ACBD3: variants seen among roughly 807,000 people sequenced by gnomAD.
ACBD3 encodes the protein acyl-CoA binding domain containing 3, also known as Golgi resident protein GCP60.
Under a neutral mutation model 66.9 loss-of-function variants are expected in ACBD3, and 30 were observed. The observed-to-expected ratio is 0.45, with a 90% CI of 0.34 to 0.61. The LOEUF is 0.61. Ranked by LOEUF, ACBD3 falls within the 20% of genes least tolerant of loss-of-function variation. The pLI is 0.02. For synonymous variants in ACBD3, 278 were observed against 259.8 expected, an observed-to-expected ratio of 1.07 and a Z score of -0.68; for missense variants, 544 against 664.5, an observed-to-expected ratio of 0.82 and a Z score of 1.99.
Position 226,150,885 on chromosome 1 carries a change from T to A in ACBD3, c.1375+1450A>T, listed in dbSNP as rs190984974. On this transcript the variant is annotated intron_variant, in intron 7 of 7. Coordinates refer to ENST00000366812, the MANE Select transcript of ACBD3 (RefSeq NM_022735.4). ...TTTAAATCTGCTTCTGGGGTAAAAGTCAATCTGCAAGATGTACTGAAATTT... is the reference window on the plus strand; with the variant it reads ...TTTAAATCTGCTTCTGGGGTAAAAGACAATCTGCAAGATGTACTGAAATTT... Among the ~76,000 whole-genome samples, 6 of 152,364 alleles carry A rather than the reference T, an allele frequency of 3.9e-5. No individual in the cohort carries two copies. In the East Asian group the frequency reaches 9.6e-4, roughly 24 times the overall value.
chr1:226,148,795 A>G (rs1659506739), intron 7 of ACBD3, among the ~76,000 whole-genome samples: 1 of 152,208 alleles, frequency 6.6e-6, no homozygotes, highest in African/African-American at 2.4e-5. Context: ...AATACAAGAC[A>G]CGGTAGGACA....
intron 5 of ACBD3, among the ~76,000 whole-genome samples, chr1:226,157,642 T>TGATCC (rs1659701051): frequency 6.6e-6 from 1 of 152,068 alleles, no homozygotes; most frequent in Non-Finnish European, 1.5e-5. Flanking sequence ...TGAGCTCGAG[T>TGATCC]GATCCTCTCG....
At chr1:226,163,149 A>G (rs1428119415) in intron 3 of ACBD3, among the ~76,000 whole-genome samples, 1 of 152,190 alleles carries the variant, frequency 6.6e-6, no homozygotes, top group Admixed American at 6.6e-5. Context: ...CAGCTGGTAC[A>G]GAGCAAGAAG....
At chr1:226,185,474 G>T (rs922913774) in intron 1 of ACBD3, among the ~76,000 whole-genome samples, 1 of 152,138 alleles carries the variant, frequency 6.6e-6, no homozygotes, top group Non-Finnish European at 1.5e-5. Flanking sequence ...TTTTAAAGTT[G>T]CATTTGCTGA....
intron 1 of ACBD3, among the ~76,000 whole-genome samples, chr1:226,173,543 G>A (rs985992212): frequency 6.6e-6 from 1 of 151,280 alleles, no homozygotes; most frequent in Non-Finnish European, 1.5e-5. Context: ...AACCACTTTC[G>A]GTATAGCACA....
intron 1 of ACBD3, among the ~76,000 whole-genome samples, chr1:226,176,281 C>T (rs961253926): frequency 6.6e-6 from 1 of 152,078 alleles, no homozygotes; most frequent in Non-Finnish European, 1.5e-5. Context: ...CACAAATTAG[C>T]TGGGCATGGT....
chr1:226,161,146 C>CTTTTTTTTTTTTT, intron 4 of ACBD3, among the ~76,000 whole-genome samples: 1 of 134,266 alleles, frequency 7.4e-6, no homozygotes, highest in Non-Finnish European at 1.6e-5. Context: ...TAATACATTC[C>CTTTTTTTTTTTTT]TTTTTTTTTT....
At chr1:226,160,226 G>T (rs1254178708) in intron 4 of ACBD3, among the ~76,000 whole-genome samples, 3 of 151,848 alleles carry the variant, frequency 2.0e-5, no homozygotes, top group Non-Finnish European at 4.4e-5. Context: ...CAAGTAGCTG[G>T]GATTACAGGC....
chr1:226,178,087 G>A (rs1460133115), intron 1 of ACBD3, among the ~76,000 whole-genome samples: 1 of 152,006 alleles, frequency 6.6e-6, no homozygotes, highest in African/African-American at 2.4e-5. Flanking sequence ...AAGAGCAATA[G>A]GAAACTAACA....
intron 1 of ACBD3, among the ~76,000 whole-genome samples, chr1:226,179,307 G>A (rs1433518137): frequency 6.6e-6 from 1 of 152,096 alleles, no homozygotes; most frequent in Non-Finnish European, 1.5e-5. Context: ...TTCCCACTAG[G>A]TACAAGTTGC....
intron 1 of ACBD3, among the ~76,000 whole-genome samples, chr1:226,169,716 CAA>C (rs112424132): frequency 1.2e-3 from 170 of 141,676 alleles, no homozygotes; most frequent in Non-Finnish European, 1.2e-3. Flanking sequence ...TTTTTTAAAA[CAA>C]AAAAAAAAAA....
intron 1 of ACBD3, among the ~76,000 whole-genome samples, chr1:226,186,071 T>C (rs1474533905): frequency 6.6e-6 from 1 of 152,214 alleles, no homozygotes; most frequent in African/African-American, 2.4e-5. Flanking sequence ...ATGGGATCCT[T>C]TGGAAGAAAG....
intron 3 of ACBD3, among the ~76,000 whole-genome samples, chr1:226,162,922 G>C (rs1659797844): frequency 6.6e-6 from 1 of 151,422 alleles, no homozygotes; most frequent in Non-Finnish European, 1.5e-5. Flanking sequence ...TTAGCCTCCT[G>C]AGTAGCTGGA....
chr1:226,176,442 A>AAT (rs1656036959), intron 1 of ACBD3, among the ~76,000 whole-genome samples: 1 of 151,738 alleles, frequency 6.6e-6, no homozygotes, highest in Non-Finnish European at 1.5e-5. Context: ...AAAAAAAAAA[A>AAT]AAAAAAAGCT....
intron 3 of ACBD3, among the ~76,000 whole-genome samples, chr1:226,163,048 G>A (rs372719437): frequency 5.9e-5 from 9 of 151,936 alleles, no homozygotes; most frequent in African/African-American, 1.9e-4. Context: ...TGATCTGCCC[G>A]CCTCGTTCTC....
At position 226,173,445 on chromosome 1, in the gene ACBD3, C is replaced by T. The variant is rs190692355; in HGVS notation, c.287-7445G>A. Among the ~76,000 whole-genome samples the T allele has an allele frequency of 4.1e-3, 628 of 151,952 alleles. 3 individuals are homozygous for T. Among genetic ancestry groups the T allele is most frequent in the Middle Eastern group, 0.014 (4 of 294 alleles). On this transcript the variant is annotated intron_variant, in intron 1 of 7. Transcript: ENST00000366812. ...CTTTTTTAACACACATTTTTAAAGT[C>T]GAAGCAATGTATTTTCAGCCTTTGG...
intron 6 of ACBD3, 39 bp downstream of exon 6, chr1:226,154,608 G>A: frequency 1.3e-6 from 2 of 1,560,002 alleles, no homozygotes; most frequent in African/African-American, 2.7e-5. Flanking sequence ...CACAGATTTG[G>A]AATTATGACA....
chr1:226,181,003 A>G (rs1656159315), intron 1 of ACBD3, among the ~76,000 whole-genome samples: 1 of 151,812 alleles, frequency 6.6e-6, no homozygotes, highest in South Asian at 2.1e-4. Flanking sequence ...CATCTCAAAA[A>G]AAAAAAAAAA....
At chr1:226,175,957 C>A (rs1051039235) in intron 1 of ACBD3, among the ~76,000 whole-genome samples, 7 of 152,090 alleles carry the variant, frequency 4.6e-5, no homozygotes, top group African/African-American at 1.4e-4. Context: ...ACTTCTGGAA[C>A]CTGTGAATAT....
Sources: allele counts gnomAD v4.1 joint callset (sites outside exome capture counted in the v4.1 genomes callset), GRCh38; gene constraint gnomAD v4.1.1; transcripts MANE v1.5; gene names NCBI Gene and HGNC (gene_info 2026-07-23, HGNC 2026-07-21).